The following BMERB1 variants were observed in gnomAD, a reference collection of about 807,000 sequenced individuals.
BMERB1 encodes the protein bMERB domain-containing protein 1.
Under a neutral mutation model 23.6 loss-of-function variants are expected in BMERB1, and 12 were observed. That is an observed-to-expected ratio of 0.51 (90% confidence interval 0.33 to 0.82). The LOEUF is 0.82. BMERB1 is among the 40% of genes least tolerant of loss of function. The pLI is 0.03. For synonymous variants in BMERB1, 122 were observed against 96.6 expected, an observed-to-expected ratio of 1.26 and a Z score of -1.54; for missense variants, 247 against 255.4, an observed-to-expected ratio of 0.97 and a Z score of 0.22.
In BMERB1 at chr16:15,444,123, G is replaced by GTTTTTTTTTTTTTTTTTTTTTTTT. The variant is rs150793082; in HGVS notation, c.106+9368_106+9391dup. ...AGGCCAGGGTCCAGGCACCAGCTTT[G>GTTTTTTTTTTTTTTTTTTTTTTTT]TTTTTTTTTTTTTTTTTTTTTTTTT... On this transcript the variant is annotated intron_variant, in intron 1 of 5. Transcript: ENST00000300006. 1.6e-3 allele frequency among the ~76,000 whole-genome samples: 57 copies of GTTTTTTTTTTTTTTTTTTTTTTTT among 35,624 alleles called. 14 individuals carry two copies. Among genetic ancestry groups the GTTTTTTTTTTTTTTTTTTTTTTTT allele is most frequent in the East Asian group, 5.4e-3 (3 of 556 alleles). 23.4% of individuals were successfully genotyped at this position (35,624 alleles called of 152,430 possible). A position where few individuals can be genotyped will look rare whatever the true frequency, so the allele number is the denominator to read the frequency against.
chr16:15,435,260 C>T (rs1409777927), intron 1 of BMERB1, among the ~76,000 whole-genome samples: 1 of 152,174 alleles, frequency 6.6e-6, no homozygotes, highest in African/African-American at 2.4e-5. Context: ...TCCTCCCTCG[C>T]CTTCCTTGGG....
At position 15,515,259 on chromosome 16, in the gene BMERB1, T is replaced by G. The variant is rs772738766; in HGVS notation, c.107-46T>G. The G allele has an allele frequency of 3.7e-6, 6 of 1,611,160 alleles. No homozygotes were observed. In the African/African-American group the frequency reaches 8.0e-5, roughly 22 times the overall value. On this transcript the variant is annotated intron_variant, in intron 1 of 5. Transcript: ENST00000300006. ...AACCATGTCAGGGTCTGTCCCATGG[T>G]GCAGCCTTGGGGTCCTGATGGTTGT...
At chr16:15,533,147 T>A in intron 2 of BMERB1, 1 of 342,852 alleles carries the variant, frequency 2.9e-6, no homozygotes, top group Non-Finnish European at 5.8e-6. Flanking sequence ...TAAGTGCTCA[T>A]TAAATGTTAC....
chr16:15,473,946 C>T (rs1377679494), intron 1 of BMERB1, among the ~76,000 whole-genome samples: 1 of 151,748 alleles, frequency 6.6e-6, no homozygotes, highest in Admixed American at 6.6e-5. Context: ...GGTGAAACCC[C>T]GTCTCTACTG....
intron 1 of BMERB1, among the ~76,000 whole-genome samples, chr16:15,505,827 G>A (rs1055237895): frequency 3.3e-5 from 5 of 150,914 alleles, no homozygotes; most frequent in South Asian, 2.1e-4. Flanking sequence ...GGCAGAGCTT[G>A]CAGTGAGCCA....
chr16:15,448,567 G>C (rs1294637977), intron 1 of BMERB1, among the ~76,000 whole-genome samples: 1 of 152,198 alleles, frequency 6.6e-6, no homozygotes, highest in Non-Finnish European at 1.5e-5. Flanking sequence ...GCCCACGCGG[G>C]TGGGTCACTT....
At chr16:15,567,521 G>A (rs572922798) in intron 2 of BMERB1, among the ~76,000 whole-genome samples, 2 of 152,312 alleles carry the variant, frequency 1.3e-5, no homozygotes, top group East Asian at 3.9e-4. Flanking sequence ...GCTGAGGTGT[G>A]CAGATCACTT....
At chr16:15,444,970 C>G (rs935227110) in intron 1 of BMERB1, among the ~76,000 whole-genome samples, 2 of 152,192 alleles carry the variant, frequency 1.3e-5, no homozygotes, top group Non-Finnish European at 2.9e-5. Context: ...AATCACAGCT[C>G]TTGCAAGCCT....
At chr16:15,521,701 ATC>A (rs1228254259) in intron 2 of BMERB1, among the ~76,000 whole-genome samples, 1 of 151,994 alleles carries the variant, frequency 6.6e-6, no homozygotes, top group Non-Finnish European at 1.5e-5. Flanking sequence ...GCATTTAGAG[ATC>A]TCTTTCTTGA....
chr16:15,549,088 C>T (rs2030005843), intron 2 of BMERB1, among the ~76,000 whole-genome samples: 1 of 152,130 alleles, frequency 6.6e-6, no homozygotes, highest in Non-Finnish European at 1.5e-5. Flanking sequence ...CCTGTAATCC[C>T]AGCACTTAGG....
intron 2 of BMERB1, among the ~76,000 whole-genome samples, chr16:15,529,890 T>C (rs2150958922): frequency 6.6e-6 from 1 of 152,308 alleles, no homozygotes; most frequent in African/African-American, 2.4e-5. Flanking sequence ...TGCAAATGTG[T>C]TAAAACAACA....
At chr16:15,506,777 G>C (rs561758456) in intron 1 of BMERB1, among the ~76,000 whole-genome samples, 7 of 152,038 alleles carry the variant, frequency 4.6e-5, no homozygotes, top group Admixed American at 4.6e-4. Context: ...AATTTTAGTG[G>C]GTTGAGGAGA....
chr16:15,454,117 CTTT>C (rs1312986595), intron 1 of BMERB1, among the ~76,000 whole-genome samples: 1 of 151,974 alleles, frequency 6.6e-6, no homozygotes, highest in Non-Finnish European at 1.5e-5. Context: ...AGTTTTTTTC[CTTT>C]TAGAGTTTGA....
At chr16:15,499,665 C>A (rs1297196593) in intron 1 of BMERB1, among the ~76,000 whole-genome samples, 1 of 137,762 alleles carries the variant, frequency 7.3e-6, no homozygotes, top group Non-Finnish European at 1.6e-5. Flanking sequence ...CCCTTTCCTT[C>A]CTCCCAGTTC....
intron 2 of BMERB1, among the ~76,000 whole-genome samples, chr16:15,562,390 C>T (rs1005914250): frequency 1.3e-5 from 2 of 151,988 alleles, no homozygotes; most frequent in Non-Finnish European, 2.9e-5. Flanking sequence ...GCCCTTTGAG[C>T]CAGAGTTGTT....
intron 3 of BMERB1, among the ~76,000 whole-genome samples, chr16:15,576,522 A>G (rs71376072): frequency 0.023 from 3,474 of 152,250 alleles, 100 homozygotes; most frequent in African/African-American, 0.063. Flanking sequence ...CTGGAAGGAC[A>G]GTGGAGTCTC....
intron 5 of BMERB1, among the ~76,000 whole-genome samples, chr16:15,585,698 C>T (rs184233369): frequency 1.8e-4 from 27 of 152,180 alleles, no homozygotes; most frequent in African/African-American, 2.9e-4. Flanking sequence ...GGCATGGTGG[C>T]GCACACCTGT....
intron 1 of BMERB1, among the ~76,000 whole-genome samples, chr16:15,505,900 A>G (rs369069563): frequency 3.6e-4 from 54 of 152,110 alleles, no homozygotes; most frequent in African/African-American, 1.2e-3. Flanking sequence ...AAAAAAAAAA[A>G]AAAAAGTGAA....
chr16:15,517,715 AC>A (rs1314082748), intron 2 of BMERB1, among the ~76,000 whole-genome samples: 1 of 151,392 alleles, frequency 6.6e-6, no homozygotes, highest in African/African-American at 2.5e-5. Flanking sequence ...CTGTGCACTT[AC>A]TGACCTTTAC....
Sources: allele counts gnomAD v4.1 joint callset (sites outside exome capture counted in the v4.1 genomes callset), GRCh38; gene constraint gnomAD v4.1.1; transcripts MANE v1.5; gene names NCBI Gene and HGNC (gene_info 2026-07-23, HGNC 2026-07-21).